The following PALM2AKAP2 variants were observed in gnomAD, a reference collection of about 807,000 sequenced individuals.
PALM2AKAP2 encodes the protein PALM2-AKAP2 fusion protein.
Under a neutral mutation model 71.5 loss-of-function variants are expected in PALM2AKAP2, and 37 were observed. The observed-to-expected ratio is 0.52, with a 90% CI of 0.40 to 0.68. The LOEUF is 0.68. Among genes scored for constraint, PALM2AKAP2 ranks in the 30% least tolerant of loss-of-function variants. The probability of loss-of-function intolerance (pLI) is 0.00; values close to 1 mark genes in which losing one functional copy is unlikely to be tolerated. For synonymous variants in PALM2AKAP2, 468 were observed against 478.8 expected (o/e 0.98, Z 0.29); for missense variants, 1,224 against 1,191.8 (o/e 1.03, Z -0.40).
intron 1 of PALM2AKAP2, among the ~76,000 whole-genome samples, chr9:109,769,486 T>C (rs756308470): frequency 6.6e-6 from 1 of 152,122 alleles, no homozygotes; most frequent in Non-Finnish European, 1.5e-5. Flanking sequence ...AACCTAACAG[T>C]GTCTTTAAAT....
At chr9:110,134,212 A>G (rs1207998579) in intron 1 of PALM2AKAP2, among the ~76,000 whole-genome samples, 1 of 151,926 alleles carries the variant, frequency 6.6e-6, no homozygotes, top group Non-Finnish European at 1.5e-5. Context: ...TCAGGAGTTC[A>G]AGGTTGCAGT....
intron 1 of PALM2AKAP2, among the ~76,000 whole-genome samples, chr9:109,771,156 A>G (rs554308037): frequency 6.6e-6 from 1 of 152,380 alleles, no homozygotes; most frequent in Admixed American, 6.5e-5. Context: ...TTTTAGAATT[A>G]ACTGAAAGAG....
At chr9:109,964,280 A>G (rs995385281) in intron 6 of PALM2AKAP2, among the ~76,000 whole-genome samples, 1 of 152,226 alleles carries the variant, frequency 6.6e-6, no homozygotes, top group African/African-American at 2.4e-5. Flanking sequence ...TGGTGCTTAC[A>G]GGAATGAGAG....
At chr9:110,025,710 A>T (rs1372976831) in intron 7 of PALM2AKAP2, among the ~76,000 whole-genome samples, 1 of 152,164 alleles carries the variant, frequency 6.6e-6, no homozygotes, top group Admixed American at 6.5e-5. Flanking sequence ...ACTACTGTCC[A>T]TCTTTTGATT....
At chr9:109,763,450 A>T (rs2118742094) in intron 1 of PALM2AKAP2, among the ~76,000 whole-genome samples, 1 of 152,286 alleles carries the variant, frequency 6.6e-6, no homozygotes, top group South Asian at 2.1e-4. Context: ...CTTCATCTGA[A>T]AGATGGGAAT....
intron 1 of PALM2AKAP2, among the ~76,000 whole-genome samples, chr9:109,718,805 C>T (rs1028705872): frequency 3.9e-5 from 6 of 152,156 alleles, no homozygotes; most frequent in Admixed American, 2.0e-4. Context: ...TTTCTTGCTC[C>T]GGGAGCCTGA....
chr9:110,029,098 AT>A (rs1431629830), intron 7 of PALM2AKAP2, among the ~76,000 whole-genome samples: 1 of 152,200 alleles, frequency 6.6e-6, no homozygotes, highest in Non-Finnish European at 1.5e-5. Context: ...AGGAATCCAA[AT>A]CTGATCCATG....
chr9:109,654,645 C>T (rs1262245281), intron 1 of PALM2AKAP2, among the ~76,000 whole-genome samples: 2 of 151,944 alleles, frequency 1.3e-5, no homozygotes, highest in Non-Finnish European at 2.9e-5. Flanking sequence ...AAATTAAAAG[C>T]ATTTTGTTAT....
At chr9:110,118,546 C>T (rs1457647823) in intron 1 of PALM2AKAP2, among the ~76,000 whole-genome samples, 1 of 152,188 alleles carries the variant, frequency 6.6e-6, no homozygotes, top group Non-Finnish European at 1.5e-5. Flanking sequence ...CTGCTCCCAG[C>T]CTTCTTGACT....
intron 1 of PALM2AKAP2, among the ~76,000 whole-genome samples, chr9:110,113,528 CT>C (rs58325766): frequency 0.28 from 39,297 of 141,662 alleles, 5,518 homozygotes; most frequent in East Asian, 0.54. Flanking sequence ...TGCACCTGGA[CT>C]TTTTTTTTTT....
intron 1 of PALM2AKAP2, among the ~76,000 whole-genome samples, chr9:110,135,172 A>ATATATATATATATATATATATATATATAT (rs58573716): frequency 1.6e-5 from 1 of 61,094 alleles, no homozygotes; most frequent in African/African-American, 6.1e-5. Flanking sequence ...AAAATATATA[A>ATATATATATATATATATATATATATATAT]ATATATATAT....
In PALM2AKAP2 at chr9:110,137,253, C is replaced by T. The variant is rs141019907; in HGVS notation, c.1283C>T (p.Ala428Val). The change falls in exon 2 of 4, where the codon GCG becomes GTG. Residue 428 changes from alanine to valine, a missense_variant. Ala to Val is a moderately conservative substitution (Grantham distance 64). Coordinates refer to ENST00000374525, the Ensembl canonical transcript of PALM2AKAP2. ...CAGCTGATGGAGAATTCCAGGCAAG[C>T]GGTGGCCAAGGGCCAGAGTACACCC... is the stretch of plus-strand genomic sequence containing the variant. 1.8e-4 allele frequency: 286 copies of T among 1,614,116 alleles called. No homozygotes were observed. Among genetic ancestry groups the T allele is most frequent in the South Asian group, 4.5e-4 (41 of 91,092 alleles).
intron 1 of PALM2AKAP2, among the ~76,000 whole-genome samples, chr9:110,118,448 A>G (rs916460696): frequency 5.3e-5 from 8 of 152,148 alleles, no homozygotes; most frequent in Non-Finnish European, 7.4e-5. Flanking sequence ...GGATTTCGCA[A>G]CGTTGGCCAG....
chr9:110,148,310 C>T (rs1836228233), intron 2 of PALM2AKAP2, among the ~76,000 whole-genome samples: 1 of 152,142 alleles, frequency 6.6e-6, no homozygotes, highest in South Asian at 2.1e-4. Flanking sequence ...GCAACTCATC[C>T]AACAACTTGA....
chr9:109,665,966 A>G (rs1039937185), intron 1 of PALM2AKAP2, among the ~76,000 whole-genome samples: 1 of 152,232 alleles, frequency 6.6e-6, no homozygotes, highest in African/African-American at 2.4e-5. Flanking sequence ...AGCAGTGAGC[A>G]AGGCTCCATG....
chr9:109,923,169 A>C (rs1830876688), intron 3 of PALM2AKAP2, among the ~76,000 whole-genome samples: 1 of 152,178 alleles, frequency 6.6e-6, no homozygotes, highest in African/African-American at 2.4e-5. Flanking sequence ...AAATTGAGGA[A>C]AGTTCCAAAA....
At chr9:109,719,865 T>C (rs1828379938) in intron 1 of PALM2AKAP2, among the ~76,000 whole-genome samples, 1 of 152,204 alleles carries the variant, frequency 6.6e-6, no homozygotes, top group Non-Finnish European at 1.5e-5. Context: ...AACCCAGTAA[T>C]GGCATAGCCT....
At chr9:110,028,521 G>A (rs2132402356) in intron 7 of PALM2AKAP2, among the ~76,000 whole-genome samples, 1 of 152,296 alleles carries the variant, frequency 6.6e-6, no homozygotes, top group Middle Eastern at 3.4e-3. Context: ...CCATTCTACA[G>A]ATGTGGTGGC....
intron 1 of PALM2AKAP2, among the ~76,000 whole-genome samples, chr9:110,105,138 A>G (rs932565993): frequency 3.3e-5 from 5 of 152,182 alleles, no homozygotes; most frequent in Non-Finnish European, 7.3e-5. Flanking sequence ...ATATGTTTTA[A>G]TGGTTAGTTT....
Sources: gnomAD v4.1 joint callset for allele counts (sites outside exome capture counted in the v4.1 genomes callset) on GRCh38, gnomAD v4.1.1 for gene constraint, MANE v1.5 for transcripts, NCBI Gene and HGNC (gene_info 2026-07-23, HGNC 2026-07-21) for gene names.